WWC2: variants seen among roughly 807,000 people sequenced by gnomAD.
WWC2 encodes protein WWC2.
A neutral mutation model predicts 138.5 loss-of-function variants in WWC2; 101 were observed. The observed-to-expected ratio is 0.73, with a 90% CI of 0.62 to 0.86. The LOEUF is 0.86. WWC2 is among the 40% of genes least tolerant of loss of function. WWC2 has a pLI of 0.00. For missense variants in WWC2, 1,420 were observed against 1,419.4 expected, an observed-to-expected ratio of 1.00 and a Z score of -0.01; for synonymous variants, 558 against 538.4, an observed-to-expected ratio of 1.04 and a Z score of -0.50.
At chr4:183,222,408 AATC>A (rs1475135764) in intron 4 of WWC2, among the ~76,000 whole-genome samples, 4 of 152,046 alleles carry the variant, frequency 2.6e-5, no homozygotes, top group Non-Finnish European at 5.9e-5. Flanking sequence ...AAAATTAAAA[AATC>A]ATATTCACAA....
chr4:183,309,575 C>A (rs1230589280), intron 21 of WWC2, among the ~76,000 whole-genome samples: 2 of 152,228 alleles, frequency 1.3e-5, no homozygotes, highest in Non-Finnish European at 2.9e-5. Context: ...ACAGACAACA[C>A]CAAATCCTGA....
At position 183,106,776 on chromosome 4, in the gene WWC2, TTAA is replaced by T. The variant is rs531486882; in HGVS notation, c.131+7160_131+7162del. ...TGTACTACTGCATCATTTTCATGAC[TTAA>T]TAATATTCGATTGTGTAGATATACC... On this transcript the variant is annotated intron_variant, in intron 1 of 22. Transcript: ENST00000403733. 2.2e-3 allele frequency among the ~76,000 whole-genome samples: 338 copies of T among 152,362 alleles called. 3 individuals carry two copies. The highest frequency in any genetic ancestry group is 7.4e-3 in the African/African-American group (307 of 41,570).
At chr4:183,105,665 T>C (rs889486338) in intron 1 of WWC2, among the ~76,000 whole-genome samples, 7 of 152,046 alleles carry the variant, frequency 4.6e-5, no homozygotes, top group African/African-American at 1.2e-4. Flanking sequence ...CCAAGGCGGG[T>C]GGATCACGAG....
intron 21 of WWC2, 21 bp from the exon 22 acceptor site, chr4:183,312,320 C>G: frequency 1.2e-6 from 2 of 1,610,024 alleles, no homozygotes; most frequent in Middle Eastern, 1.7e-4. Flanking sequence ...GTGTTTCTTA[C>G]ATTTTTATTC....
rs894342773 is a variant in WWC2 at position 183,318,186 on chromosome 4, A to T, written c.*2457A>T. The T allele has an allele frequency of 6.6e-6, 1 of 152,644 alleles. No individual in the cohort carries two copies. The highest frequency in any genetic ancestry group is 2.4e-5 in the African/African-American group (1 of 41,454). 9.5% of individuals were successfully genotyped at this position (152,644 alleles called of 1,614,324 possible). A position where few individuals can be genotyped will look rare whatever the true frequency, so the allele number is the denominator to read the frequency against. Reference sequence around the variant, plus strand: ...GTTTGAATTATCAGTATATTATTACAATTTTGTATATCAGAATCTTAAGTG... The same window carrying T: ...GTTTGAATTATCAGTATATTATTACTATTTTGTATATCAGAATCTTAAGTG... On this transcript the variant is annotated 3_prime_UTR_variant, in exon 23 of 23. Transcript: ENST00000403733.
intron 1 of WWC2, among the ~76,000 whole-genome samples, chr4:183,126,211 A>G (rs1732753136): frequency 6.6e-6 from 1 of 152,220 alleles, no homozygotes; most frequent in Non-Finnish European, 1.5e-5. Context: ...GGGTATTCAG[A>G]TAAATTTTGT....
At chr4:183,226,525 C>G (rs1205257868) in intron 4 of WWC2, among the ~76,000 whole-genome samples, 2 of 151,928 alleles carry the variant, frequency 1.3e-5, no homozygotes, top group Non-Finnish European at 2.9e-5. Context: ...CTAATAATAA[C>G]TAAGCTTTGC....
chr4:183,114,377 A>C (rs1282659099), intron 1 of WWC2, among the ~76,000 whole-genome samples: 4 of 152,168 alleles, frequency 2.6e-5, no homozygotes, highest in South Asian at 4.1e-4. Context: ...ACCCCATTTC[A>C]GGTGCTTATA....
At chr4:183,186,850 A>G (rs1276391824) in intron 1 of WWC2, among the ~76,000 whole-genome samples, 1 of 152,208 alleles carries the variant, frequency 6.6e-6, no homozygotes, top group Non-Finnish European at 1.5e-5. Context: ...TGCCAGCTGT[A>G]GGAGGACCAG....
intron 1 of WWC2, among the ~76,000 whole-genome samples, chr4:183,102,555 C>T (rs1195496786): frequency 6.6e-6 from 1 of 152,216 alleles, no homozygotes; most frequent in Non-Finnish European, 1.5e-5. Flanking sequence ...CTTGACTCTA[C>T]AGCATGTGTC....
At chr4:183,300,761 T>TA (rs755247095) in intron 21 of WWC2, among the ~76,000 whole-genome samples, 6 of 151,978 alleles carry the variant, frequency 3.9e-5, no homozygotes, top group Admixed American at 1.3e-4. Context: ...TTTTTTTTTT[T>TA]ATAAAACAAA....
chr4:183,256,890 C>A (rs1428030208), intron 9 of WWC2, among the ~76,000 whole-genome samples: 5 of 19,776 alleles, frequency 2.5e-4, no homozygotes, highest in Non-Finnish European at 6.5e-4. Context: ...TACAGCCCCC[C>A]CCCCCCCCCC....
intron 2 of WWC2, among the ~76,000 whole-genome samples, chr4:183,204,111 T>C (rs1448304613): frequency 6.6e-6 from 1 of 152,268 alleles, no homozygotes; most frequent in Non-Finnish European, 1.5e-5. Flanking sequence ...GAAGGTTTTA[T>C]TTCTGCAAAG....
intron 1 of WWC2, among the ~76,000 whole-genome samples, chr4:183,111,944 C>T (rs1732245463): frequency 6.6e-6 from 1 of 152,150 alleles, no homozygotes; most frequent in South Asian, 2.1e-4. Context: ...GCATTTCTCC[C>T]ATCGTGGCCT....
In WWC2 at chr4:183,177,183, C is replaced by T. The variant is rs78032267; in HGVS notation, c.132-16416C>T. The stretch of plus-strand genomic sequence containing the variant: ...ATAGATAGTGACTACTTTAGATAGA[C>T]TCATGCATTAGTCAGCTCTGCTGTG... On this transcript the variant is annotated intron_variant, in intron 1 of 22. Transcript: ENST00000403733. Among the ~76,000 whole-genome samples the T allele has an allele frequency of 4.4e-3, 668 of 152,320 alleles. 4 individuals are homozygous for T. The highest frequency in any genetic ancestry group is 0.016 in the African/African-American group (650 of 41,576).
rs1301844468 is a variant in WWC2 at position 183,317,662 on chromosome 4, T to G, written c.*1933T>G. 6.6e-6 allele frequency: 1 copy of G among 152,648 alleles called. No individual in the cohort carries two copies. The highest frequency in any genetic ancestry group is 1.5e-5 in the Non-Finnish European group (1 of 68,034). The allele number at this position is 152,648 out of a possible 1,614,324, so 9.5% of individuals were successfully genotyped here. A position where few individuals can be genotyped will look rare whatever the true frequency, so the allele number is the denominator to read the frequency against. ...ATTTTCTTCATTTATTTATTTACAGTCTTATTTATGTTCTGTTTAATATAT... is the reference window on the plus strand; with the variant it reads ...ATTTTCTTCATTTATTTATTTACAGGCTTATTTATGTTCTGTTTAATATAT... On this transcript the variant is annotated 3_prime_UTR_variant, in exon 23 of 23. Coordinates refer to ENST00000403733, the MANE Select transcript of WWC2 (RefSeq NM_024949.6).
At chr4:183,179,599 C>T (rs909771565) in intron 1 of WWC2, among the ~76,000 whole-genome samples, 11 of 151,904 alleles carry the variant, frequency 7.2e-5, no homozygotes, top group African/African-American at 2.4e-4. Context: ...GACCGCCTCC[C>T]GGGTTGTGAG....
chr4:183,267,694 C>T (rs969308539), intron 14 of WWC2, among the ~76,000 whole-genome samples: 9 of 152,306 alleles, frequency 5.9e-5, no homozygotes, highest in South Asian at 2.1e-4. Flanking sequence ...GTGATACCTG[C>T]GTAGTGTAGG....
In WWC2 at chr4:183,099,714, C is replaced by G. The variant is rs968279866; in HGVS notation, c.131+92C>G. 1.3e-5 allele frequency: 15 copies of G among 1,126,030 alleles called. No individual in the cohort carries two copies. The African/African-American group carries it at 2.5e-4, about 19-fold the overall frequency. 69.8% of individuals were successfully genotyped at this position (1,126,030 alleles called of 1,614,324 possible). On this transcript the variant is annotated intron_variant, in intron 1 of 22. Coordinates refer to ENST00000403733, the MANE Select transcript of WWC2 (RefSeq NM_024949.6). ...GCGCGGGGGGCTGGGGCGGCGCCGG[C>G]CCGCGGTGCCCCGAGGGGTCCCGGG...
Sources: allele counts gnomAD v4.1 joint callset (sites outside exome capture counted in the v4.1 genomes callset), GRCh38; gene constraint gnomAD v4.1.1; transcripts MANE v1.5; gene names NCBI Gene and HGNC (gene_info 2026-07-23, HGNC 2026-07-21).